The following RBFOX1 variants were observed in gnomAD, a reference collection of about 807,000 sequenced individuals.
The protein encoded by RBFOX1 is RNA binding protein fox-1 homolog 1.
In RBFOX1, 8 loss-of-function variants were observed where a neutral mutation model predicts 57.7. The observed-to-expected ratio is 0.14, with a 90% CI of 0.08 to 0.25. The LOEUF is 0.25. RBFOX1 is among the 10% of genes least tolerant of loss of function. RBFOX1 has a pLI of 1.00. For missense variants in RBFOX1, 611 were observed against 548.5 expected (o/e 1.11, Z -1.14); for synonymous variants, 326 against 222.4 (o/e 1.47, Z -4.15).
At chr16:6,848,451 C>T (rs950316045) in intron 3 of RBFOX1, among the ~76,000 whole-genome samples, 2 of 152,154 alleles carry the variant, frequency 1.3e-5, no homozygotes, top group Non-Finnish European at 2.9e-5. Flanking sequence ...ACATGGCCAG[C>T]AGGCACCCGA....
At chr16:6,940,221 G>A (rs535210183) in intron 3 of RBFOX1, among the ~76,000 whole-genome samples, 4 of 152,172 alleles carry the variant, frequency 2.6e-5, no homozygotes, top group African/African-American at 9.6e-5. Flanking sequence ...TAAATAAATA[G>A]GTACAGGTAG....
chr16:5,934,971 C>T (rs540455939), intron 4 of RBFOX1, among the ~76,000 whole-genome samples: 17 of 152,296 alleles, frequency 1.1e-4, no homozygotes, highest in Non-Finnish European at 2.2e-4. Flanking sequence ...TCTGGTTGGC[C>T]TCCCCCAGAG....
chr16:6,308,727 C>A (rs539207079), intron 1 of RBFOX1, among the ~76,000 whole-genome samples: 17 of 152,272 alleles, frequency 1.1e-4, no homozygotes, highest in African/African-American at 3.9e-4. Context: ...ATGCGAAAAG[C>A]AGGCTATTCG....
chr16:6,892,971 GT>G (rs1446292917), intron 3 of RBFOX1, among the ~76,000 whole-genome samples: 1 of 152,008 alleles, frequency 6.6e-6, no homozygotes, highest in African/African-American at 2.4e-5. Context: ...CCTTGATCTA[GT>G]TTTACTTTTA....
At chr16:7,080,933 A>G (rs1393986517) in intron 4 of RBFOX1, among the ~76,000 whole-genome samples, 1 of 152,198 alleles carries the variant, frequency 6.6e-6, no homozygotes, top group African/African-American at 2.4e-5. Flanking sequence ...TTGTGGAGCA[A>G]AACACAGATA....
chr16:7,457,176 C>T (rs908837991), intron 4 of RBFOX1, among the ~76,000 whole-genome samples: 6 of 152,124 alleles, frequency 3.9e-5, no homozygotes, highest in East Asian at 3.9e-4. Flanking sequence ...TGTGAGCCAC[C>T]GCGCCTGGCC....
intron 5 of RBFOX1, among the ~76,000 whole-genome samples, chr16:7,533,106 C>G (rs7192215): frequency 6.6e-6 from 1 of 152,094 alleles, no homozygotes; most frequent in African/African-American, 2.4e-5. Flanking sequence ...CCAGCACTGC[C>G]TGTAGGGTTT....
intron 4 of RBFOX1, among the ~76,000 whole-genome samples, chr16:7,450,562 G>T (rs2098844094): frequency 6.6e-6 from 1 of 152,126 alleles, no homozygotes; most frequent in Non-Finnish European, 1.5e-5. Flanking sequence ...GCCCAGGGAT[G>T]CTGCGTGAGT....
intron 1 of RBFOX1, among the ~76,000 whole-genome samples, chr16:6,086,426 C>T (rs530591381): frequency 7.9e-5 from 12 of 152,318 alleles, no homozygotes; most frequent in Admixed American, 2.6e-4. Context: ...TTCTGCAGAG[C>T]AGTCGGTGGT....
intron 4 of RBFOX1, among the ~76,000 whole-genome samples, chr16:7,070,651 A>C (rs2057139219): frequency 6.6e-6 from 1 of 152,206 alleles, no homozygotes; most frequent in African/African-American, 2.4e-5. Context: ...TCTAATGCAG[A>C]GCCATCTCCC....
rs567990591 is a variant in RBFOX1, at chr16:7,618,361, G to A, written c.676+11023G>A. ...TACTAATATGTGCGTGAAGCCCTGT[G>A]GTGCTGGGAGACTTAGGAGCAGATT... On this transcript the variant is annotated intron_variant, in intron 10 of 15. Transcript: ENST00000550418. 2.2e-4 allele frequency among the ~76,000 whole-genome samples: 33 copies of A among 152,204 alleles called. No homozygotes were observed. The South Asian group carries it at 5.8e-3, about 27-fold the overall frequency.
At chr16:5,276,796 A>G (rs1433319962) in intron 1 of RBFOX1, among the ~76,000 whole-genome samples, 1 of 152,190 alleles carries the variant, frequency 6.6e-6, no homozygotes, top group Non-Finnish European at 1.5e-5. Context: ...AAAAGCAAAA[A>G]TTGATGTTGG....
intron 14 of RBFOX1, among the ~76,000 whole-genome samples, chr16:7,688,941 C>A (rs571408932): frequency 6.6e-6 from 1 of 152,016 alleles, no homozygotes; most frequent in Non-Finnish European, 1.5e-5. Context: ...ATACCCCCTA[C>A]GTGAATGTTC....
chr16:5,550,786 A>C (rs2045429933), intron 2 of RBFOX1, among the ~76,000 whole-genome samples: 1 of 152,234 alleles, frequency 6.6e-6, no homozygotes, highest in South Asian at 2.1e-4. Flanking sequence ...AATAACAATA[A>C]CAATTCATGC....
At chr16:5,530,988 G>T (rs955984912) in intron 2 of RBFOX1, among the ~76,000 whole-genome samples, 6 of 145,764 alleles carry the variant, frequency 4.1e-5, no homozygotes, top group Non-Finnish European at 7.5e-5. Context: ...AGCCAGGCTT[G>T]GTGGCAGGCA....
intron 1 of RBFOX1, among the ~76,000 whole-genome samples, chr16:5,447,377 A>AGTCTCT (rs1491576897): frequency 2.9e-5 from 1 of 34,580 alleles, no homozygotes; most frequent in African/African-American, 1.3e-4. Flanking sequence ...TCAATCAATC[A>AGTCTCT]ATCTCTCTCT....
At chr16:6,658,936 G>GTTTTT (rs764621530) in intron 3 of RBFOX1, among the ~76,000 whole-genome samples, 8 of 108,576 alleles carry the variant, frequency 7.4e-5, no homozygotes, top group South Asian at 5.8e-4. Flanking sequence ...TGGTTTTTTT[G>GTTTTT]TTTTTTTTGT....
intron 2 of RBFOX1, among the ~76,000 whole-genome samples, chr16:6,366,420 C>G (rs2089629016): frequency 6.6e-6 from 1 of 151,912 alleles, no homozygotes; most frequent in Non-Finnish European, 1.5e-5. Context: ...ACATCATGTC[C>G]CCTACTTTTT....
chr16:5,308,500 TATTA>T (rs2063997161), intron 1 of RBFOX1, among the ~76,000 whole-genome samples: 1 of 152,196 alleles, frequency 6.6e-6, no homozygotes, highest in Non-Finnish European at 1.5e-5. Flanking sequence ...TTTCAGTCAT[TATTA>T]ATTCAGATTT....
Sources: gnomAD v4.1 joint callset for allele counts (sites outside exome capture counted in the v4.1 genomes callset) on GRCh38, gnomAD v4.1.1 for gene constraint, MANE v1.5 for transcripts, NCBI Gene and HGNC (gene_info 2026-07-23, HGNC 2026-07-21) for gene names.